Variants in PIWIL4 observed in about 807,000 individuals in gnomAD.
The protein encoded by PIWIL4 is piwi-like protein 4.
PIWIL4 carries 50 observed loss-of-function variants against 100.9 expected under a neutral mutation model. The observed-to-expected ratio is 0.50, with a 90% CI of 0.39 to 0.63. PIWIL4 has a LOEUF of 0.63. Ranked by LOEUF, PIWIL4 falls within the 20% of genes least tolerant of loss-of-function variation. The pLI is 0.00. For synonymous variants in PIWIL4, 342 were observed against 367.5 expected, an observed-to-expected ratio of 0.93 and a Z score of 0.79; for missense variants, 887 against 1,043.3, an observed-to-expected ratio of 0.85 and a Z score of 2.06.
At chr11:94,583,683 G>T (rs1017179989) in intron 5 of PIWIL4, 114 bp downstream of exon 5, 5 of 1,394,938 alleles carry the variant, frequency 3.6e-6, no homozygotes, top group African/African-American at 1.4e-5. Flanking sequence ...TGATGCCACC[G>T]TTAGGGCAAT....
intron 10 of PIWIL4, among the ~76,000 whole-genome samples, chr11:94,596,920 C>T (rs918658464): frequency 6.6e-6 from 1 of 152,052 alleles, no homozygotes; most frequent in Admixed American, 6.6e-5. Context: ...TTTGAGCTTC[C>T]CTAAAAAAAT....
intron 9 of PIWIL4, 35 bp from the exon 10 acceptor site, chr11:94,595,274 C>G: frequency 6.3e-7 from 1 of 1,583,632 alleles, no homozygotes; most frequent in Non-Finnish European, 8.7e-7. Flanking sequence ...TGCTTATGTT[C>G]ATTTTCTCAC....
At chr11:94,574,907 G>C in intron 2 of PIWIL4, 92 bp from the exon 3 acceptor site, 2 of 1,317,858 alleles carry the variant, frequency 1.5e-6, no homozygotes, top group Non-Finnish European at 2.1e-6. Context: ...AAAACCACAA[G>C]TTTGGATTGC....
At chr11:94,604,535 G>T (rs549224282) in intron 13 of PIWIL4, among the ~76,000 whole-genome samples, 1 of 152,334 alleles carries the variant, frequency 6.6e-6, no homozygotes, top group Admixed American at 6.5e-5. Context: ...GACATCCACA[G>T]TTGCCTCATT....
intron 15 of PIWIL4, among the ~76,000 whole-genome samples, chr11:94,613,713 G>A (rs567301472): frequency 4.5e-4 from 69 of 152,162 alleles, no homozygotes; most frequent in Non-Finnish European, 8.2e-4. Context: ...GATCAAGTCT[G>A]CTATTGATAT....
chr11:94,583,361 A>G, intron 4 of PIWIL4, 87 bp from the exon 5 acceptor site: 2 of 1,466,190 alleles, frequency 1.4e-6, no homozygotes, highest in African/African-American at 2.8e-5. Flanking sequence ...TTGTTAATGC[A>G]TATTACATTG....
chr11:94,615,313 A>G (rs1241446471), intron 15 of PIWIL4, among the ~76,000 whole-genome samples: 1 of 152,220 alleles, frequency 6.6e-6, no homozygotes, highest in African/African-American at 2.4e-5. Context: ...AAGAGAAATC[A>G]TGGGCTGATG....
intron 13 of PIWIL4, among the ~76,000 whole-genome samples, chr11:94,605,211 C>T (rs1948699277): frequency 6.6e-6 from 1 of 152,142 alleles, no homozygotes; most frequent in Non-Finnish European, 1.5e-5. Flanking sequence ...TCAATTGTCA[C>T]CTCTGTAGGA....
chr11:94,620,489 G>A (rs377050780), intron 19 of PIWIL4, among the ~76,000 whole-genome samples: 1 of 152,196 alleles, frequency 6.6e-6, no homozygotes, highest in Non-Finnish European at 1.5e-5. Flanking sequence ...ACTCAGATGT[G>A]CCTGGTGGGG....
Position 94,567,620 on chromosome 11 carries a change from T to C in PIWIL4, c.87+15T>C. 1 of 1,582,652 alleles carries C rather than the reference T, an allele frequency of 6.3e-7. No homozygotes were observed. Among genetic ancestry groups the C allele is most frequent in the Non-Finnish European group, 8.6e-7 (1 of 1,161,530 alleles). On this transcript the variant is annotated intron_variant, in intron 1 of 19. Transcript: ENST00000299001. ...CCTCGCCATTGGTGTGTAGAATGCT[T>C]ATTGCGCATGGTTTCGTTTTCTCCT...
intron 2 of PIWIL4, among the ~76,000 whole-genome samples, chr11:94,569,440 G>A (rs982798940): frequency 3.9e-5 from 6 of 151,976 alleles, no homozygotes; most frequent in Admixed American, 2.6e-4. Context: ...GTGCAATGGC[G>A]CAATCTCAGC....
chr11:94,604,078 A>C (rs1948683992), intron 13 of PIWIL4, 22 bp downstream of exon 13: 1 of 1,488,992 alleles, frequency 6.7e-7, no homozygotes, highest in East Asian at 2.3e-5. Flanking sequence ...ATACTTTTTG[A>C]ACTCCTTTAA....
Position 94,589,213 on chromosome 11 carries a change from A to G in PIWIL4, c.1007A>G (p.Tyr336Cys), listed in dbSNP as rs774363160. The change falls in exon 8 of 20, where the codon TAT becomes TGT. Residue 336 changes from tyrosine (Y) to cysteine (C), a missense_variant. Tyr to Cys is a radical substitution (Grantham distance 194, BLOSUM62 -2). Around this residue, in one of 2 missense-constraint regions of PIWIL4, gnomAD observed 741 missense variants for 930.0 expected, o/e 0.80. Transcript: ENST00000299001. ...FQKRDGTEIT[Y>C]VDYYKQQYDI... ...AAGCGGGATGGCACCGAGATCACCT[A>G]TGTGGATTACTACAAGCAGGTAGGA... is the stretch of plus-strand genomic sequence containing the variant. 1.2e-6 allele frequency: 2 copies of G among 1,605,578 alleles called. No homozygotes were observed. The highest frequency in any genetic ancestry group is 1.7e-6 in the Non-Finnish European group (2 of 1,172,154).
intron 10 of PIWIL4, among the ~76,000 whole-genome samples, chr11:94,595,651 A>G (rs1287750365): frequency 2.6e-5 from 4 of 152,376 alleles, no homozygotes; most frequent in African/African-American, 7.2e-5. Flanking sequence ...CTTTACCTCC[A>G]TGCCCTGCTT....
rs767596066 is a variant in PIWIL4, at chr11:94,577,269, C to T, written c.299-9C>T. On this transcript the variant is annotated splice_polypyrimidine_tract_variant and intron_variant, in intron 3 of 19. Transcript: ENST00000299001. Reference sequence around the variant, plus strand: ...GATTAAAAAATTGTTTTTTGTTTGTCTTCTTCAGGTTCCAGTGGAATACCT... The same window carrying T: ...GATTAAAAAATTGTTTTTTGTTTGTTTTCTTCAGGTTCCAGTGGAATACCT... 2 of 1,599,118 alleles carry T rather than the reference C, an allele frequency of 1.3e-6. No homozygotes were observed. The highest frequency in any genetic ancestry group is 1.8e-5 in the Admixed American group (1 of 57,134).
At chr11:94,591,433 C>T (rs772120248) in intron 8 of PIWIL4, among the ~76,000 whole-genome samples, 1 of 152,250 alleles carries the variant, frequency 6.6e-6, no homozygotes, top group Non-Finnish European at 1.5e-5. Flanking sequence ...GTGCATTCAT[C>T]ACATTGTTTC....
In PIWIL4 at chr11:94,616,548, A is replaced by G. The variant is rs1306968029; in HGVS notation, c.1999A>G (p.Lys667Glu). 2 of 1,608,472 alleles carry G rather than the reference A, an allele frequency of 1.2e-6. No individual in the cohort carries two copies. Among genetic ancestry groups the G allele is most frequent in the East Asian group, 4.5e-5 (2 of 44,776 alleles). The change falls in exon 16 of 20, where the codon AAA (lysine) becomes GAA (glutamate). Residue 667 changes from lysine (K) to glutamate (E), a missense_variant. Physicochemically the swap from Lys to Glu is moderately conservative, Grantham distance 56 (BLOSUM62 1). Around this residue, in one of 2 missense-constraint regions of PIWIL4, gnomAD observed 741 missense variants for 930.0 expected, o/e 0.80. Coordinates refer to ENST00000299001, the MANE Select transcript of PIWIL4 (RefSeq NM_152431.3). ...AATGACTGATGTTGCAGATTGCTTGAAAGTTTTCATGACTGGTACTAAAAA... is the reference window on the plus strand; with the variant it reads ...AATGACTGATGTTGCAGATTGCTTGGAAGTTTTCATGACTGGTACTAAAAA... ...RTMTDVADCL[K>E]VFMTGALNKW... is the part of the protein sequence containing the mutation.
chr11:94,613,962 C>T (rs1045152760), intron 15 of PIWIL4, among the ~76,000 whole-genome samples: 1 of 152,068 alleles, frequency 6.6e-6, no homozygotes, highest in African/African-American at 2.4e-5. Flanking sequence ...GGGGGTTTCA[C>T]TGTGTTGGTC....
intron 11 of PIWIL4, 147 bp downstream of exon 11, chr11:94,598,062 T>A (rs1268013620): frequency 9.7e-6 from 6 of 618,840 alleles, no homozygotes; most frequent in Admixed American, 5.8e-5. Context: ...AGATCCCCTG[T>A]GGTTTCCTTT....
Sources: allele counts gnomAD v4.1 joint callset (sites outside exome capture counted in the v4.1 genomes callset), GRCh38; gene constraint gnomAD v4.1.1; regional missense constraint gnomAD v4.1.1; transcripts MANE v1.5; gene names NCBI Gene and HGNC (gene_info 2026-07-23, HGNC 2026-07-21).